Variants in BCAM observed in about 807,000 individuals in gnomAD.
BCAM encodes basal cell adhesion molecule (Lutheran blood group).
BCAM carries 61 observed loss-of-function variants against 72.4 expected under a neutral mutation model. That is an observed-to-expected ratio of 0.84 (90% CI 0.69 to 1.04). The LOEUF (loss-of-function observed/expected upper bound fraction) is 1.04, where lower values mean the gene tolerates loss of function less well. BCAM is among the 50% of genes least tolerant of loss of function. The pLI is 0.00. For synonymous variants in BCAM, 408 were observed against 384.2 expected, an observed-to-expected ratio of 1.06 and a Z score of -0.73; for missense variants, 909 against 895.0, an observed-to-expected ratio of 1.02 and a Z score of -0.20.
chr19:44,817,195 C>T (rs1394198809), intron 8 of BCAM, among the ~76,000 whole-genome samples: 1 of 152,112 alleles, frequency 6.6e-6, no homozygotes, highest in East Asian at 1.9e-4. Context: ...TGAGATCCCG[C>T]CACTGCACTC....
chr19:44,819,446 C>T lies in BCAM; in HGVS notation c.1574C>T (p.Ser525Phe), dbSNP rs778471984. 15 of 1,614,054 alleles carry T rather than the reference C, an allele frequency of 9.3e-6. 1 individual carries two copies. In the South Asian group the frequency reaches 1.4e-4, roughly 15 times the overall value. The change falls in exon 12 of 15, where the codon TCC (serine) becomes TTC (phenylalanine). Residue 525 changes from serine to phenylalanine, a missense_variant. By Grantham distance (155) the Ser-to-Phe change is radical. Coordinates refer to ENST00000270233, the MANE Select transcript of BCAM (RefSeq NM_005581.5). ...CGCGATGGCATCTCCTGTGAAGCCTCCAACCCCCACGGGAACAAGCGCCAT... is the reference window on the plus strand; with the variant it reads ...CGCGATGGCATCTCCTGTGAAGCCTTCAACCCCCACGGGAACAAGCGCCAT... Reference protein sequence around the residue: ...LSRDGISCEASNPHGNKRHVF... With the variant: ...LSRDGISCEAFNPHGNKRHVF...
chr19:44,812,902 A>T lies in BCAM; in HGVS notation c.505-348A>T, dbSNP rs184295421. The stretch of plus-strand genomic sequence containing the variant: ...AAGGCAGAGGCTACAGTGAGCTAAG[A>T]TCACACCACTGCACTCCAGCCTGGG... On this transcript the variant is annotated intron_variant, in intron 4 of 14. Coordinates refer to ENST00000270233, the MANE Select transcript of BCAM (RefSeq NM_005581.5). The surrounding 1 kb of genome is among the most constrained non-coding windows in gnomAD (Gnocchi z 5.3). 1 of 420,148 alleles carries T rather than the reference A, an allele frequency of 2.4e-6. No homozygotes were observed. Among genetic ancestry groups the T allele is most frequent in the Non-Finnish European group, 4.3e-6 (1 of 234,170 alleles). The allele number at this position is 420,148 out of a possible 1,614,324, so 26.0% of individuals were successfully genotyped here. A position where few individuals can be genotyped will look rare whatever the true frequency, so the allele number is the denominator to read the frequency against.
rs776075918 is a variant in BCAM, at chr19:44,811,241, G to A, written c.99G>A (p.Val33=). Residue 33 remains valine, a synonymous_variant, in exon 2 of 15, where the codon GTG becomes GTA. Coordinates refer to ENST00000270233, the MANE Select transcript of BCAM (RefSeq NM_005581.5). The part of the protein sequence containing the change: ...LAAHPDAQAE[V]RLSVPPLVEV... ...CTCTTGCAGATGCCCAGGCGGAGGT[G>A]CGCTTGTCTGTACCCCCGCTGGTGG... 1.4e-5 allele frequency: 23 copies of A among 1,607,836 alleles called. No individual in the cohort carries two copies. The highest frequency in any genetic ancestry group is 2.0e-5 in the Non-Finnish European group (23 of 1,176,266).
chr19:44,815,159 C>A (rs1008375228), intron 8 of BCAM, among the ~76,000 whole-genome samples: 1 of 152,038 alleles, frequency 6.6e-6, no homozygotes, highest in South Asian at 2.1e-4. Context: ...TCCACCTGGC[C>A]AGTTCCACCA....
chr19:44,820,768 C>T lies in BCAM; in HGVS notation c.1827C>T (p.Leu609=), dbSNP rs200942703. The T allele has an allele frequency of 1.3e-5, 19 of 1,506,720 alleles. No individual in the cohort carries two copies. The highest frequency in any genetic ancestry group is 8.7e-5 in the Admixed American group (4 of 45,954). 93.3% of individuals were successfully genotyped at this position (1,506,720 alleles called of 1,614,324 possible). The part of the protein sequence containing the change: ...GSEQPEQTGL[L]MGGASGGARG... Reference sequence around the variant, plus strand: ...AGCAACCAGAGCAGACCGGCCTTCTCATGGGAGGTGCCTCCGGAGGAGCCA... The same window carrying T: ...AGCAACCAGAGCAGACCGGCCTTCTTATGGGAGGTGCCTCCGGAGGAGCCA... The change falls in exon 14 of 15, where the codon CTC becomes CTT. Residue 609 remains leucine, a synonymous_variant. Transcript: ENST00000270233.
In BCAM at chr19:44,819,702, G is replaced by T; in HGVS notation, c.1739G>T (p.Arg580Leu). ...AGACGCAAAGGGGGCCCCTGCTGCC[G>T]CCAGCGGCGGGAGAAGGGGGCTCCG... ...CVRRKGGPCC[R>L]QRREKGAPPP... The change falls in exon 13 of 15, where the codon CGC becomes CTC. Residue 580 changes from arginine to leucine, a missense_variant. Arg to Leu is a moderately radical substitution (Grantham distance 102). Transcript: ENST00000270233. 6.2e-7 allele frequency: 1 copy of T among 1,609,078 alleles called. No homozygotes were observed. The highest frequency in any genetic ancestry group is 8.5e-7 in the Non-Finnish European group (1 of 1,177,706).
At chr19:44,809,302 C>G in intron 1 of BCAM, 96 bp downstream of exon 1, 3 of 1,096,968 alleles carry the variant, frequency 2.7e-6, no homozygotes, top group Non-Finnish European at 3.5e-6. Context: ...CCCCAGGAAG[C>G]AAAATGTGGG....
In BCAM at chr19:44,812,040, A is replaced by C. The variant is rs1035358527; in HGVS notation, c.205-123A>C. 1.1e-6 allele frequency: 1 copy of C among 923,250 alleles called. No homozygotes were observed. The highest frequency in any genetic ancestry group is 1.6e-6 in the Non-Finnish European group (1 of 611,188). The allele number at this position is 923,250 out of a possible 1,614,324, so 57.2% of individuals were successfully genotyped here. On this transcript the variant is annotated intron_variant, in intron 2 of 14. Transcript: ENST00000270233. This position sits in a 1 kb window ranked among gnomAD's most constrained non-coding sequence, Gnocchi z 5.3. ...GAAGGTGGGGAGGGACAGAGGGACC[A>C]GGGAGACCCATAACAAGAGGAAAAG...
rs1968383048 is a variant in BCAM, at chr19:44,809,139, C to A, written c.15C>A (p.Asp5Glu). Residue 5 changes from aspartate to glutamate, a missense_variant, in exon 1 of 15, where the codon GAC becomes GAA. Coordinates refer to ENST00000270233, the MANE Select transcript of BCAM (RefSeq NM_005581.5). MEPP[D>E]APAQARGAPR... Reference sequence around the variant, plus strand: ...CCGCCGTGAACATGGAGCCCCCGGACGCACCGGCCCAGGCGCGCGGGGCCC... The same window carrying A: ...CCGCCGTGAACATGGAGCCCCCGGAAGCACCGGCCCAGGCGCGCGGGGCCC... 1.4e-6 allele frequency: 2 copies of A among 1,462,268 alleles called. No homozygotes were observed. The highest frequency in any genetic ancestry group is 1.3e-5 in the South Asian group (1 of 76,678). The allele number at this position is 1,462,268 out of a possible 1,614,324, so 90.6% of individuals were successfully genotyped here. A position where few individuals can be genotyped will look rare whatever the true frequency, so the allele number is the denominator to read the frequency against.
In BCAM at chr19:44,821,061, G is replaced by A. The variant is rs1236315659; in HGVS notation, c.*140G>A. On this transcript the variant is annotated 3_prime_UTR_variant, in exon 15 of 15. Coordinates refer to ENST00000270233, the MANE Select transcript of BCAM (RefSeq NM_005581.5). ...CCAGCCCTCCCTTCCTTCCTCTGCC[G>A]GCAAGGCAGGGACCCACAGTGGCTG... 9 of 1,183,174 alleles carry A rather than the reference G, an allele frequency of 7.6e-6. No homozygotes were observed. The highest frequency in any genetic ancestry group is 7.4e-5 in the Admixed American group (2 of 27,090). The allele number at this position is 1,183,174 out of a possible 1,614,324, so 73.3% of individuals were successfully genotyped here.
At chr19:44,815,440 G>A (rs898399969) in intron 8 of BCAM, among the ~76,000 whole-genome samples, 1 of 151,802 alleles carries the variant, frequency 6.6e-6, no homozygotes, top group Non-Finnish European at 1.5e-5. Context: ...GACCACCCCT[G>A]TTATTTCAGT....
chr19:44,809,135 C>G lies in BCAM; in HGVS notation c.11C>G (p.Pro4Arg). The G allele has an allele frequency of 8.9e-6, 13 of 1,458,368 alleles. No individual in the cohort carries two copies. Among genetic ancestry groups the G allele is most frequent in the Non-Finnish European group, 9.9e-6 (11 of 1,108,446 alleles). 90.3% of individuals were successfully genotyped at this position (1,458,368 alleles called of 1,614,324 possible). MEPPDAPAQARGAP... is the reference protein window; with the variant it reads MEPRDAPAQARGAP... ...GCCGCCGCCGTGAACATGGAGCCCC[C>G]GGACGCACCGGCCCAGGCGCGCGGG... Residue 4 changes from proline to arginine, a missense_variant, in exon 1 of 15, where the codon CCG becomes CGG. Pro to Arg is a moderately radical substitution (Grantham distance 103, BLOSUM62 -2). Coordinates refer to ENST00000270233, the MANE Select transcript of BCAM (RefSeq NM_005581.5).
chr19:44,813,718 G>A lies in BCAM; in HGVS notation c.784+98G>A. On this transcript the variant is annotated intron_variant, in intron 6 of 14. Transcript: ENST00000270233. This position sits in a 1 kb window ranked among gnomAD's most constrained non-coding sequence, Gnocchi z 4.2. ...GCTTCACACTCCCCTCTGACCCTCT[G>A]CCTCCCTACTTCATGCTAAAAAAAA... The A allele has an allele frequency of 3.4e-6, 5 of 1,457,602 alleles. No homozygotes were observed. The highest frequency in any genetic ancestry group is 1.9e-4 in the Middle Eastern group (1 of 5,364). The allele number at this position is 1,457,602 out of a possible 1,614,324, so 90.3% of individuals were successfully genotyped here. A position where few individuals can be genotyped will look rare whatever the true frequency, so the allele number is the denominator to read the frequency against.
rs1968535284 is a variant in BCAM at position 44,818,743 on chromosome 19, C to T, written c.1197C>T (p.Asp399=). The T allele has an allele frequency of 3.1e-6, 5 of 1,613,944 alleles. No individual in the cohort carries two copies. The highest frequency in any genetic ancestry group is 4.2e-6 in the Non-Finnish European group (5 of 1,179,968). ...LPTPALRWTK[D]STPLGDGPML... ...TCCTCCTCCTCTGCCCTTCCCAGGACTCCACTCCCCTGGGCGATGGCCCCA... is the reference window on the plus strand; with the variant it reads ...TCCTCCTCCTCTGCCCTTCCCAGGATTCCACTCCCCTGGGCGATGGCCCCA... Residue 399 remains aspartate (D), a splice_region_variant and synonymous_variant, in exon 10 of 15, where the codon GAC becomes GAT. Transcript: ENST00000270233. The surrounding 1 kb of genome is among the most constrained non-coding windows in gnomAD (Gnocchi z 4.6).
At position 44,814,644 on chromosome 19, in the gene BCAM, A is replaced by C; in HGVS notation, c.962A>C (p.Asn321Thr). The C allele has an allele frequency of 6.2e-7, 1 of 1,614,052 alleles. No individual in the cohort carries two copies. Among genetic ancestry groups the C allele is most frequent in the South Asian group, 1.1e-5 (1 of 91,074 alleles). ...GTGCTGAATGTGAATCTCGAGGGGA[A>C]CTTGACCCTGGAGGGAGTGACCCGG... Reference protein sequence around the residue: ...EEVLNVNLEGNLTLEGVTRGQ... With the variant: ...EEVLNVNLEGTLTLEGVTRGQ... Residue 321 changes from asparagine to threonine, a missense_variant, in exon 8 of 15, where the codon AAC becomes ACC. Transcript: ENST00000270233. This position sits in a 1 kb window ranked among gnomAD's most constrained non-coding sequence, Gnocchi z 4.6.
At position 44,819,468 on chromosome 19, in the gene BCAM, C is replaced by T; in HGVS notation, c.1596C>T (p.Arg532=). 1.9e-6 allele frequency: 3 copies of T among 1,614,002 alleles called. No homozygotes were observed. Among genetic ancestry groups the T allele is most frequent in the Non-Finnish European group, 2.5e-6 (3 of 1,179,930 alleles). The change falls in exon 12 of 15, where the codon CGC becomes CGT. Residue 532 remains arginine, a synonymous_variant. Coordinates refer to ENST00000270233, the MANE Select transcript of BCAM (RefSeq NM_005581.5). ...CEASNPHGNK[R]HVFHFGTVSP... is the part of the protein sequence containing the mutation. ...CCTCCAACCCCCACGGGAACAAGCG[C>T]CATGTCTTCCACTTCGGCACCGGTG...
intron 8 of BCAM, among the ~76,000 whole-genome samples, chr19:44,816,509 A>T (rs972644210): frequency 6.6e-6 from 1 of 152,202 alleles, no homozygotes; most frequent in African/African-American, 2.4e-5. Flanking sequence ...GAGGGGTGAC[A>T]GCTGCAGGCT....
At position 44,812,596 on chromosome 19, in the gene BCAM, A is replaced by T; in HGVS notation, c.504+48A>T. On this transcript the variant is annotated intron_variant, in intron 4 of 14. Coordinates refer to ENST00000270233, the MANE Select transcript of BCAM (RefSeq NM_005581.5). The surrounding 1 kb of genome is among the most constrained non-coding windows in gnomAD (Gnocchi z 5.3). ...CCCCAGGGTCCTGGAGGAGGAGGGGACAGGGCCCTGGACTCCTGGGTCTGA... is the reference window on the plus strand; with the variant it reads ...CCCCAGGGTCCTGGAGGAGGAGGGGTCAGGGCCCTGGACTCCTGGGTCTGA... 1 of 1,605,534 alleles carries T rather than the reference A, an allele frequency of 6.2e-7. No individual in the cohort carries two copies. Among genetic ancestry groups the T allele is most frequent in the South Asian group, 1.1e-5 (1 of 90,560 alleles).
chr19:44,821,304 G>A lies in BCAM; in HGVS notation c.*383G>A, dbSNP rs932315391. 38 of 219,480 alleles carry A rather than the reference G, an allele frequency of 1.7e-4. No homozygotes were observed. The highest frequency in any genetic ancestry group is 3.1e-4 in the Non-Finnish European group (35 of 112,092). 13.6% of individuals were successfully genotyped at this position (219,480 alleles called of 1,614,324 possible). On this transcript the variant is annotated 3_prime_UTR_variant, in exon 15 of 15. Transcript: ENST00000270233. ...CGTCTTGCTGCAGAGTCTGACACTGGATTCCCCCCCCTCACCCCGCCCCTG... is the reference window on the plus strand; with the variant it reads ...CGTCTTGCTGCAGAGTCTGACACTGAATTCCCCCCCCTCACCCCGCCCCTG...
Sources: gnomAD v4.1 joint callset for allele counts (sites outside exome capture counted in the v4.1 genomes callset) on GRCh38, gnomAD v4.1.1 for gene constraint, Gnocchi (gnomAD v3.1) non-coding constraint, MANE v1.5 for transcripts, NCBI Gene and HGNC (gene_info 2026-07-23, HGNC 2026-07-21) for gene names.